Variants in TNRC6A observed in about 807,000 individuals in gnomAD.
The protein encoded by TNRC6A is trinucleotide repeat containing adaptor 6A.
A neutral mutation model predicts 221.2 loss-of-function variants in TNRC6A; 44 were observed. The observed-to-expected ratio is 0.20, with a 90% CI of 0.16 to 0.26. The LOEUF (loss-of-function observed/expected upper bound fraction) is 0.26. Ranked by LOEUF, TNRC6A falls within the 10% of genes least tolerant of loss-of-function variation. The pLI, the probability that TNRC6A is intolerant of heterozygous loss-of-function variation, is 1.00. For missense variants in TNRC6A, 2,199 were observed against 2,404.4 expected, an observed-to-expected ratio of 0.91 and a Z score of 1.79; for synonymous variants, 847 against 838.5, an observed-to-expected ratio of 1.01 and a Z score of -0.18.
intron 1 of TNRC6A, among the ~76,000 whole-genome samples, chr16:24,626,852 C>T (rs1450335523): frequency 4.0e-5 from 6 of 151,522 alleles, no homozygotes; most frequent in African/African-American, 1.5e-4. Flanking sequence ...GGGGGTTTCA[C>T]CATGTTAGCC....
chr16:24,804,280 C>T lies in TNRC6A; in HGVS notation c.3798C>T (p.Ser1266=). 1 of 1,613,436 alleles carries T rather than the reference C, an allele frequency of 6.2e-7. No homozygotes were observed. Among genetic ancestry groups the T allele is most frequent in the Middle Eastern group, 1.7e-4 (1 of 6,060 alleles). The change falls in exon 12 of 25, where the codon TCC becomes TCT. Residue 1266 remains serine (S), a synonymous_variant. Transcript: ENST00000395799. The part of the protein sequence containing the change: ...GKGPGSRPQI[S]KESSMERNPY... Reference sequence around the variant, plus strand: ...GCCCTGGTTCTCGGCCTCAGATTTCCAAAGAGTCTTCCATGGAGCGCAATC... The same window carrying T: ...GCCCTGGTTCTCGGCCTCAGATTTCTAAAGAGTCTTCCATGGAGCGCAATC...
intron 2 of TNRC6A, chr16:24,662,892 T>C (rs1282642322): frequency 6.5e-6 from 1 of 153,774 alleles, no homozygotes; most frequent in African/African-American, 2.4e-5. Flanking sequence ...CACACATACA[T>C]GCTCAAACTC....
At chr16:24,612,645 T>C (rs1900114338) in intron 1 of TNRC6A, among the ~76,000 whole-genome samples, 1 of 150,972 alleles carries the variant, frequency 6.6e-6, no homozygotes, top group Non-Finnish European at 1.5e-5. Flanking sequence ...TAGTTCCAGC[T>C]ACTCAGGAGG....
chr16:24,715,695 G>A (rs1309833138), intron 2 of TNRC6A, among the ~76,000 whole-genome samples: 4 of 146,958 alleles, frequency 2.7e-5, no homozygotes, highest in Admixed American at 7.0e-5. Flanking sequence ...TTGGCTCACT[G>A]CAACCTCCGC....
intron 18 of TNRC6A, among the ~76,000 whole-genome samples, chr16:24,812,212 C>T (rs1033443137): frequency 4.0e-5 from 6 of 151,570 alleles, no homozygotes; most frequent in East Asian, 1.9e-4. Context: ...TCACCACACC[C>T]GGCTAATTTT....
intron 2 of TNRC6A, among the ~76,000 whole-genome samples, chr16:24,696,347 C>CAA (rs56696667): frequency 1.7e-4 from 21 of 125,602 alleles, no homozygotes; most frequent in Non-Finnish European, 2.7e-4. Flanking sequence ...GACTCCATCT[C>CAA]AAAAAAAAAA....
rs144538115 is a variant in TNRC6A, at chr16:24,764,197, T to C, written c.163+5837T>C. ...GTAAGTGAGATCTTGGCAGTATTTT[T>C]ATTTCTGTGTCTGGCTTACATCACT... On this transcript the variant is annotated intron_variant, in intron 4 of 24. Transcript: ENST00000395799. 2.8e-3 allele frequency among the ~76,000 whole-genome samples: 422 copies of C among 152,280 alleles called. 2 individuals carry two copies. Among genetic ancestry groups the C allele is most frequent in the African/African-American group, 9.8e-3 (406 of 41,552 alleles).
At chr16:24,638,796 T>G (rs886335522) in intron 1 of TNRC6A, among the ~76,000 whole-genome samples, 2 of 152,174 alleles carry the variant, frequency 1.3e-5, no homozygotes, top group African/African-American at 4.8e-5. Flanking sequence ...TCCCTTAAAC[T>G]GACTGCCTTG....
intron 1 of TNRC6A, among the ~76,000 whole-genome samples, chr16:24,616,135 T>C (rs1415671945): frequency 6.6e-6 from 1 of 151,976 alleles, no homozygotes; most frequent in African/African-American, 2.4e-5. Context: ...TAGATGAGTC[T>C]GGCCAACATG....
chr16:24,674,139 T>C (rs2055360547), intron 2 of TNRC6A, among the ~76,000 whole-genome samples: 1 of 152,254 alleles, frequency 6.6e-6, no homozygotes, highest in East Asian at 1.9e-4. Context: ...GGTGTGATCA[T>C]AGCTCACTGT....
chr16:24,680,585 C>T (rs980199209), intron 2 of TNRC6A, among the ~76,000 whole-genome samples: 2 of 151,688 alleles, frequency 1.3e-5, no homozygotes, highest in Admixed American at 6.6e-5. Context: ...GGTGTGGTGG[C>T]ACGCACCTGT....
chr16:24,618,642 A>ATTTTTTTT (rs61228496), intron 1 of TNRC6A, among the ~76,000 whole-genome samples: 1 of 88,040 alleles, frequency 1.1e-5, no homozygotes, highest in Non-Finnish European at 2.2e-5. Context: ...CATTTCATGA[A>ATTTTTTTT]TTTTTTTTTT....
chr16:24,703,213 C>A (rs939816330), intron 2 of TNRC6A, among the ~76,000 whole-genome samples: 1 of 152,114 alleles, frequency 6.6e-6, no homozygotes, highest in Non-Finnish European at 1.5e-5. Context: ...ATCACTCACT[C>A]CCGGCCCCCA....
chr16:24,768,448 A>G (rs1220826577), intron 4 of TNRC6A, among the ~76,000 whole-genome samples: 3 of 151,864 alleles, frequency 2.0e-5, no homozygotes, highest in African/African-American at 7.3e-5. Flanking sequence ...AAAAAAAAAA[A>G]AAAAATCTTA....
Position 24,777,162 on chromosome 16 carries a change from G to T in TNRC6A, c.393G>T (p.Arg131=). Residue 131 remains arginine, a synonymous_variant, in exon 5 of 25, where the codon CGG becomes CGT. Transcript: ENST00000395799. ...QPQQQPQALP[R]YPREVPPRFR... The stretch of plus-strand genomic sequence containing the variant: ...AGCAGCAGCCACAGGCCTTGCCTCG[G>T]TATCCTCGTGAAGTACCTCCACGAT... The T allele has an allele frequency of 6.2e-7, 1 of 1,614,120 alleles. No homozygotes were observed. The highest frequency in any genetic ancestry group is 8.5e-7 in the Non-Finnish European group (1 of 1,180,032).
chr16:24,706,437 C>A (rs1442049306), intron 2 of TNRC6A, among the ~76,000 whole-genome samples: 2 of 152,016 alleles, frequency 1.3e-5, no homozygotes, highest in Non-Finnish European at 2.9e-5. Context: ...CTTGGCCGGG[C>A]GCAGTGGCTC....
At chr16:24,720,348 G>A (rs965450434) in intron 2 of TNRC6A, among the ~76,000 whole-genome samples, 2 of 152,110 alleles carry the variant, frequency 1.3e-5, no homozygotes, top group South Asian at 4.2e-4. Context: ...GCTGCAGTGA[G>A]CTGTGATCAC....
chr16:24,788,910 A>C (rs1596718115), intron 5 of TNRC6A, among the ~76,000 whole-genome samples: 1 of 152,094 alleles, frequency 6.6e-6, no homozygotes, highest in African/African-American at 2.4e-5. Flanking sequence ...GGCCTTCCAG[A>C]GTGCTGGGAT....
In TNRC6A at chr16:24,794,436, G is replaced by T. The variant is rs571160978; in HGVS notation, c.3353-108G>T. The T allele has an allele frequency of 5.3e-6, 6 of 1,124,272 alleles. No homozygotes were observed. The African/African-American group carries it at 7.9e-5, about 15-fold the overall frequency. The allele number at this position is 1,124,272 out of a possible 1,614,324, so 69.6% of individuals were successfully genotyped here. ...TGCAGGAAGGGAAATAAGTGTGCAC[G>T]TGTGTGTTTTCTTAGGTTCTCTACC... On this transcript the variant is annotated intron_variant, in intron 7 of 24. Transcript: ENST00000395799.
Sources: allele counts gnomAD v4.1 joint callset (sites outside exome capture counted in the v4.1 genomes callset), GRCh38; gene constraint gnomAD v4.1.1; transcripts MANE v1.5; gene names NCBI Gene and HGNC (gene_info 2026-07-23, HGNC 2026-07-21).